The following FILIP1 variants were observed in gnomAD, a reference collection of about 807,000 sequenced individuals.
FILIP1 encodes the protein filamin A interacting protein 1, also known as filamin-A-interacting protein 1.
A neutral mutation model predicts 102.1 loss-of-function variants in FILIP1; 61 were observed. The observed-to-expected ratio is 0.60, with a 90% CI of 0.49 to 0.74. The LOEUF (loss-of-function observed/expected upper bound fraction) is 0.74. FILIP1 is among the 30% of genes least tolerant of loss of function. The probability of loss-of-function intolerance (pLI) is 0.00; values close to 1 mark genes in which losing one functional copy is unlikely to be tolerated. For synonymous variants in FILIP1, 491 were observed against 526.9 expected, an observed-to-expected ratio of 0.93 and a Z score of 0.93; for missense variants, 1,314 against 1,441.2, an observed-to-expected ratio of 0.91 and a Z score of 1.43.
At chr6:75,468,235 TAAG>T (rs1779227631) in intron 1 of FILIP1, among the ~76,000 whole-genome samples, 1 of 152,100 alleles carries the variant, frequency 6.6e-6, no homozygotes, top group African/African-American at 2.4e-5. Context: ...AAGAGCCTAA[TAAG>T]GAGTGTCAGC....
At chr6:75,449,116 G>C (rs1411963276) in intron 1 of FILIP1, among the ~76,000 whole-genome samples, 9 of 152,146 alleles carry the variant, frequency 5.9e-5, no homozygotes, top group African/African-American at 2.2e-4. Flanking sequence ...AAGAAATTGT[G>C]GTATATATGC....
intron 4 of FILIP1, 109 bp downstream of exon 4, chr6:75,353,430 G>T: frequency 1.7e-6 from 2 of 1,165,454 alleles, no homozygotes; most frequent in Non-Finnish European, 2.4e-6. Context: ...TTAGACCCTG[G>T]GCACCTGTCC....
rs186256619 is a variant in FILIP1 at position 75,408,778 on chromosome 6, C to A, written c.276+5919G>T. On this transcript the variant is annotated intron_variant, in intron 2 of 5. Coordinates refer to ENST00000237172, the MANE Select transcript of FILIP1 (RefSeq NM_015687.5). ...CTTGATCTTATCCTATCTCCCAAAA[C>A]TATAAGCTATTTTCTTTGTATGTCA... is the stretch of plus-strand genomic sequence containing the variant. 6.6e-4 allele frequency among the ~76,000 whole-genome samples: 101 copies of A among 152,292 alleles called. No homozygotes were observed. In the East Asian group the frequency reaches 0.015, roughly 23 times the overall value.
At chr6:75,339,425 A>G (rs186884200) in intron 4 of FILIP1, among the ~76,000 whole-genome samples, 46 of 152,356 alleles carry the variant, frequency 3.0e-4, no homozygotes, top group African/African-American at 9.9e-4. Flanking sequence ...GACTTTCAAA[A>G]TAAGTGAATT....
intron 5 of FILIP1, among the ~76,000 whole-genome samples, chr6:75,309,531 T>C (rs565871720): frequency 3.9e-5 from 6 of 152,292 alleles, no homozygotes; most frequent in African/African-American, 1.4e-4. Context: ...TGTTTAATAT[T>C]CACCCTGAGA....
chr6:75,343,506 C>G (rs1415444006), intron 4 of FILIP1, among the ~76,000 whole-genome samples: 2 of 152,182 alleles, frequency 1.3e-5, no homozygotes, highest in African/African-American at 4.8e-5. Flanking sequence ...ATAAACTTCT[C>G]TTGCTTCCTT....
chr6:75,315,335 T>C (rs1773407210), intron 4 of FILIP1, 133 bp from the exon 5 acceptor site: 2 of 609,114 alleles, frequency 3.3e-6, no homozygotes, highest in Non-Finnish European at 2.6e-6. Context: ...GTTTAAAGAA[T>C]AGCCATTAAT....
chr6:75,372,875 G>A (rs1582410913), intron 2 of FILIP1, among the ~76,000 whole-genome samples: 2 of 152,074 alleles, frequency 1.3e-5, no homozygotes, highest in African/African-American at 4.8e-5. Flanking sequence ...AAAGTAAAAT[G>A]GTGCAGCTAC....
chr6:75,475,991 A>G (rs1270533620), intron 1 of FILIP1, among the ~76,000 whole-genome samples: 1 of 152,166 alleles, frequency 6.6e-6, no homozygotes, highest in Admixed American at 6.5e-5. Flanking sequence ...CTATAATCCC[A>G]GCACTTTGGA....
At chr6:75,350,132 T>A (rs1774739171) in intron 4 of FILIP1, among the ~76,000 whole-genome samples, 1 of 152,128 alleles carries the variant, frequency 6.6e-6, no homozygotes. Context: ...GAATAAAGTG[T>A]CTGTCAGAGA....
At chr6:75,467,140 AT>A (rs1486723177) in intron 1 of FILIP1, among the ~76,000 whole-genome samples, 1 of 152,250 alleles carries the variant, frequency 6.6e-6, no homozygotes, top group Admixed American at 6.5e-5. Context: ...AACCTTAAAA[AT>A]TTATCCTCTA....
At chr6:75,293,832 T>G (rs935017925) in exon 7 of FILIP1, 2 of 152,176 alleles carry the variant, frequency 1.3e-5, no homozygotes, top group Non-Finnish European at 2.9e-5. Flanking sequence ...ATAGGATACT[T>G]AACTGTGAGT....
intron 2 of FILIP1, among the ~76,000 whole-genome samples, chr6:75,397,772 G>T (rs893543751): frequency 3.3e-5 from 5 of 152,034 alleles, no homozygotes; most frequent in African/African-American, 1.2e-4. Context: ...ATCTGTTGAG[G>T]AACATGCAAA....
intron 1 of FILIP1, among the ~76,000 whole-genome samples, chr6:75,486,765 A>T (rs1205801790): frequency 6.6e-6 from 1 of 152,156 alleles, no homozygotes; most frequent in East Asian, 1.9e-4. Context: ...TCATCCATGT[A>T]AAATGCTTGG....
At chr6:75,452,356 G>A (rs1479129791) in intron 1 of FILIP1, among the ~76,000 whole-genome samples, 1 of 151,916 alleles carries the variant, frequency 6.6e-6, no homozygotes, top group African/African-American at 2.4e-5. Context: ...AGAACATGCA[G>A]TGTTTGGTTT....
At chr6:75,356,932 A>G (rs1379128769) in intron 3 of FILIP1, among the ~76,000 whole-genome samples, 2 of 152,192 alleles carry the variant, frequency 1.3e-5, no homozygotes, top group Non-Finnish European at 2.9e-5. Flanking sequence ...CATCATCATC[A>G]TCATCAAAAA....
chr6:75,401,707 C>G (rs1042753880), intron 2 of FILIP1, among the ~76,000 whole-genome samples: 2 of 152,052 alleles, frequency 1.3e-5, no homozygotes, highest in Non-Finnish European at 2.9e-5. Flanking sequence ...AGGTCTAGAC[C>G]TTATCTCTCC....
At chr6:75,427,262 G>A (rs886588043) in intron 1 of FILIP1, among the ~76,000 whole-genome samples, 2 of 152,268 alleles carry the variant, frequency 1.3e-5, no homozygotes, top group South Asian at 4.1e-4. Context: ...GGACAGGTAA[G>A]TAAAGAGCAA....
intron 1 of FILIP1, among the ~76,000 whole-genome samples, chr6:75,477,956 G>A (rs567566911): frequency 2.0e-5 from 3 of 152,300 alleles, no homozygotes; most frequent in South Asian, 4.1e-4. Flanking sequence ...ATCATCAAAC[G>A]GAAGTTGGAA....
Sources: gnomAD v4.1 joint callset for allele counts (sites outside exome capture counted in the v4.1 genomes callset) on GRCh38, gnomAD v4.1.1 for gene constraint, MANE v1.5 for transcripts, NCBI Gene and HGNC (gene_info 2026-07-23, HGNC 2026-07-21) for gene names.